The following SRD5A1 variants were observed in gnomAD, a reference collection of about 807,000 sequenced individuals.
The protein encoded by SRD5A1 is steroid 5 alpha-reductase 1.
Under a neutral mutation model 28.2 loss-of-function variants are expected in SRD5A1, and 22 were observed. The ratio of observed to expected loss-of-function variants is 0.78; its 90% CI spans 0.56 to 1.12. The LOEUF (loss-of-function observed/expected upper bound fraction) is 1.12. Among genes scored for constraint, SRD5A1 ranks in the 50% most tolerant of loss-of-function variants. The pLI is 0.00. For synonymous variants in SRD5A1, 151 were observed against 135.0 expected (o/e 1.12, Z -0.82); for missense variants, 300 against 346.7 (o/e 0.87, Z 1.07).
chr5:6,655,381 C>T (rs1032159566), intron 2 of SRD5A1, among the ~76,000 whole-genome samples: 4 of 152,128 alleles, frequency 2.6e-5, no homozygotes, highest in East Asian at 1.9e-4. Context: ...AAAATCCCTG[C>T]GGATTCGTAA....
At chr5:6,639,667 C>T (rs1357968867) in intron 1 of SRD5A1, among the ~76,000 whole-genome samples, 1 of 152,112 alleles carries the variant, frequency 6.6e-6, no homozygotes, top group Non-Finnish European at 1.5e-5. Flanking sequence ...TGATTTTCTC[C>T]AAGCCTTTTT....
rs1297953702 is a variant in SRD5A1 at position 6,673,314 on chromosome 5, T to G, written c.*5046T>G. On this transcript the variant is annotated 3_prime_UTR_variant, in exon 5 of 5. Transcript: ENST00000274192. Reference sequence around the variant, plus strand: ...CCCATGAAGGAAAGGGAAACAAAACTGAGTGCCAAGCATATGATAACATGC... The same window carrying G: ...CCCATGAAGGAAAGGGAAACAAAACGGAGTGCCAAGCATATGATAACATGC... The G allele has an allele frequency of 6.6e-6, 1 of 152,218 alleles. No homozygotes were observed. Among genetic ancestry groups the G allele is most frequent in the African/African-American group, 2.4e-5 (1 of 41,458 alleles). 9.4% of individuals were successfully genotyped at this position (152,218 alleles called of 1,614,324 possible).
chr5:6,646,696 A>G (rs1409998674), intron 1 of SRD5A1, among the ~76,000 whole-genome samples: 3 of 151,796 alleles, frequency 2.0e-5, no homozygotes, highest in Admixed American at 1.3e-4. Flanking sequence ...CTAGCAGTCT[A>G]TCTATTTTGT....
chr5:6,650,537 C>T (rs1470052663), intron 1 of SRD5A1, among the ~76,000 whole-genome samples: 1 of 151,926 alleles, frequency 6.6e-6, no homozygotes, highest in Non-Finnish European at 1.5e-5. Flanking sequence ...TAACATTTTG[C>T]ATTCTCTTTA....
intron 2 of SRD5A1, among the ~76,000 whole-genome samples, chr5:6,655,268 C>T (rs1295804128): frequency 6.6e-6 from 1 of 152,222 alleles, no homozygotes; most frequent in Non-Finnish European, 1.5e-5. Context: ...TCAAGTTAAC[C>T]TCTTTTTATC....
chr5:6,656,211 A>G, intron 3 of SRD5A1, 32 bp downstream of exon 3: 2 of 1,573,860 alleles, frequency 1.3e-6, no homozygotes, highest in Non-Finnish European at 1.7e-6. Flanking sequence ...TTTCTGTGAA[A>G]GTTGCTTGCC....
rs1256085425 is a variant in SRD5A1, at chr5:6,672,558, A to C, written c.*4290A>C. ...CCAAGGTGCTGGGATTACAGGCACA[A>C]GCCACAGCTCCCGGCCCAACTGTTG... On this transcript the variant is annotated 3_prime_UTR_variant, in exon 5 of 5. Coordinates refer to ENST00000274192, the MANE Select transcript of SRD5A1 (RefSeq NM_001047.4). The C allele has an allele frequency of 6.6e-6, 1 of 152,196 alleles. No individual in the cohort carries two copies. The highest frequency in any genetic ancestry group is 2.4e-5 in the African/African-American group (1 of 41,448). 9.4% of individuals were successfully genotyped at this position (152,196 alleles called of 1,614,324 possible).
rs1258245682 is a variant in SRD5A1, at chr5:6,669,105, T to C, written c.*837T>C. The C allele has an allele frequency of 6.6e-6, 1 of 152,258 alleles. No individual in the cohort carries two copies. Among genetic ancestry groups the C allele is most frequent in the East Asian group, 1.9e-4 (1 of 5,206 alleles). The allele number at this position is 152,258 out of a possible 1,614,324, so 9.4% of individuals were successfully genotyped here. A position where few individuals can be genotyped will look rare whatever the true frequency, so the allele number is the denominator to read the frequency against. ...TTGTTCTGTTCCCCACGTATGGATA[T>C]AGTAGAGATTGTTGTCTGTGAAATT... On this transcript the variant is annotated 3_prime_UTR_variant, in exon 5 of 5. Transcript: ENST00000274192.
rs1738686675 is a variant in SRD5A1, at chr5:6,651,941, AAGC to A, written c.396_398del (p.Ser132del). On this transcript the variant is annotated inframe_deletion, in exon 2 of 5. Transcript: ENST00000274192. The stretch of plus-strand genomic sequence containing the variant: ...TCTGTACCTGTAACGGCTATTTGCA[AAGC>A]AGATACTTGAGCCATTGTGCAGTGT... 1 of 1,614,018 alleles carries A rather than the reference AAGC, an allele frequency of 6.2e-7. No homozygotes were observed. The highest frequency in any genetic ancestry group is 1.3e-5 in the African/African-American group (1 of 74,928).
At chr5:6,654,183 G>A (rs892393571) in intron 2 of SRD5A1, among the ~76,000 whole-genome samples, 1 of 151,886 alleles carries the variant, frequency 6.6e-6, no homozygotes, top group African/African-American at 2.4e-5. Context: ...CTCCCGAGTA[G>A]CTGGGACTAT....
intron 3 of SRD5A1, among the ~76,000 whole-genome samples, chr5:6,657,763 G>A (rs1346862960): frequency 6.6e-6 from 1 of 152,178 alleles, no homozygotes; most frequent in African/African-American, 2.4e-5. Flanking sequence ...GGCCTGCGGT[G>A]CCTTATACAG....
At position 6,672,093 on chromosome 5, in the gene SRD5A1, G is replaced by A. The variant is rs898329163; in HGVS notation, c.*3825G>A. The A allele has an allele frequency of 2.0e-5, 3 of 152,250 alleles. No homozygotes were observed. Among genetic ancestry groups the A allele is most frequent in the African/African-American group, 7.2e-5 (3 of 41,448 alleles). The allele number at this position is 152,250 out of a possible 1,614,324, so 9.4% of individuals were successfully genotyped here. On this transcript the variant is annotated 3_prime_UTR_variant, in exon 5 of 5. Coordinates refer to ENST00000274192, the MANE Select transcript of SRD5A1 (RefSeq NM_001047.4). ...CTGACCACTGCAGGCTCCCATTTAT[G>A]ATCTTGGGCCAACAGCCACCAGCCT...
intron 4 of SRD5A1, among the ~76,000 whole-genome samples, chr5:6,664,125 T>A (rs1472708485): frequency 1.3e-5 from 2 of 152,136 alleles, no homozygotes; most frequent in Non-Finnish European, 2.9e-5. Flanking sequence ...ATTTACTATG[T>A]CCCCTGAGCC....
chr5:6,665,168 G>T (rs1261612772), intron 4 of SRD5A1, among the ~76,000 whole-genome samples: 1 of 152,248 alleles, frequency 6.6e-6, no homozygotes, highest in Non-Finnish European at 1.5e-5. Flanking sequence ...AGAGGCGGGG[G>T]CGATGCAGCC....
chr5:6,651,702 T>C, intron 1 of SRD5A1, 140 bp from the exon 2 acceptor site: 1 of 816,424 alleles, frequency 1.2e-6, no homozygotes, highest in East Asian at 2.8e-5. Flanking sequence ...AGCTTAGATA[T>C]AATAAATTAG....
chr5:6,660,974 C>T (rs947533098), intron 3 of SRD5A1, among the ~76,000 whole-genome samples: 3 of 152,144 alleles, frequency 2.0e-5, no homozygotes, highest in Admixed American at 2.0e-4. Flanking sequence ...CATGAGAATT[C>T]ACTATCACAA....
chr5:6,663,867 A>G (rs1024955504), intron 4 of SRD5A1, among the ~76,000 whole-genome samples: 1 of 152,138 alleles, frequency 6.6e-6, no homozygotes, highest in African/African-American at 2.4e-5. Flanking sequence ...CTCAAAAAAA[A>G]AAGAAAAAAG....
chr5:6,648,681 C>T (rs1738579656), intron 1 of SRD5A1, among the ~76,000 whole-genome samples: 1 of 152,128 alleles, frequency 6.6e-6, no homozygotes, highest in African/African-American at 2.4e-5. Flanking sequence ...TTTCCAGGTT[C>T]TTATCTTCCT....
chr5:6,644,766 C>T (rs781588908), intron 1 of SRD5A1: 19 of 414,200 alleles, frequency 4.6e-5, no homozygotes, highest in South Asian at 3.4e-4. Context: ...CCAAGAAGCC[C>T]ACACGTACCT....
Sources: gnomAD v4.1 joint callset for allele counts (sites outside exome capture counted in the v4.1 genomes callset) on GRCh38, gnomAD v4.1.1 for gene constraint, MANE v1.5 for transcripts, NCBI Gene and HGNC (gene_info 2026-07-23, HGNC 2026-07-21) for gene names.